THAP6: variants seen among roughly 807,000 people sequenced by gnomAD.
THAP6 encodes the protein THAP domain containing 6.
Under a neutral mutation model 20.0 loss-of-function variants are expected in THAP6, and 13 were observed. The ratio of observed to expected loss-of-function variants is 0.65; its 90% CI spans 0.42 to 1.03. The LOEUF (loss-of-function observed/expected upper bound fraction) is 1.03, where lower values mean the gene tolerates loss of function less well. Among genes scored for constraint, THAP6 ranks in the 50% least tolerant of loss-of-function variants. THAP6 has a pLI of 0.00. For missense variants in THAP6, 262 were observed against 261.6 expected, an observed-to-expected ratio of 1.00 and a Z score of -0.01; for synonymous variants, 93 against 92.2, an observed-to-expected ratio of 1.01 and a Z score of -0.05.
Position 75,527,586 on chromosome 4 carries a change from C to T in THAP6, c.*372C>T, listed in dbSNP as rs1396159015. ...GGCTTCAAAGGAGTACCTTTACTTACATGTGCTTTATGGTAAGTACATTGA... is the reference window on the plus strand; with the variant it reads ...GGCTTCAAAGGAGTACCTTTACTTATATGTGCTTTATGGTAAGTACATTGA... On this transcript the variant is annotated 3_prime_UTR_variant, in exon 5 of 5. Coordinates refer to ENST00000311638, the MANE Select transcript of THAP6 (RefSeq NM_144721.6). 3.9e-6 allele frequency: 4 copies of T among 1,033,096 alleles called. No individual in the cohort carries two copies. In the South Asian group the frequency reaches 1.2e-4, roughly 30 times the overall value. 64.0% of individuals were successfully genotyped at this position (1,033,096 alleles called of 1,614,324 possible).
intron 2 of THAP6, among the ~76,000 whole-genome samples, chr4:75,540,549 G>T (rs568785142): frequency 1.3e-5 from 2 of 152,304 alleles, no homozygotes; most frequent in African/African-American, 4.8e-5. Flanking sequence ...GGTACAGCTT[G>T]TGCAGTTGAA....
At chr4:75,521,490 A>G (rs191573377) in intron 3 of THAP6, among the ~76,000 whole-genome samples, 1 of 152,156 alleles carries the variant, frequency 6.6e-6, no homozygotes, top group East Asian at 1.9e-4. Flanking sequence ...TTGTTACTGT[A>G]TATTATATTT....
At chr4:75,526,277 A>G (rs1036519258) in intron 4 of THAP6, among the ~76,000 whole-genome samples, 1 of 152,136 alleles carries the variant, frequency 6.6e-6, no homozygotes, top group African/African-American at 2.4e-5. Flanking sequence ...GTAGGGGTCA[A>G]TCCAGTCTCT....
At chr4:75,516,648 A>T (rs992658041) in intron 2 of THAP6, 124 bp from the exon 3 acceptor site, 11 of 770,980 alleles carry the variant, frequency 1.4e-5, no homozygotes, top group Middle Eastern at 7.5e-4. Context: ...CCTAAATATT[A>T]TAATTCTCAA....
At chr4:75,514,444 T>G, upstream of THAP6, 1 of 799,660 alleles carries the variant, frequency 1.3e-6, no homozygotes, top group Non-Finnish European at 1.9e-6. Context: ...GATTTCCGGT[T>G]CCCGGGGCTA....
chr4:75,533,057 T>C (rs866909362), downstream of THAP6, among the ~76,000 whole-genome samples: 82 of 152,310 alleles, frequency 5.4e-4, no homozygotes, highest in African/African-American at 1.9e-3. Context: ...GAAAATGGGA[T>C]TTTCTTTTTA....
chr4:75,528,756 T>TTTAA lies in THAP6; in HGVS notation c.*1542_*1543insTTAA. The TTTAA allele has an allele frequency of 1.9e-5, 17 of 902,700 alleles. No individual in the cohort carries two copies. The highest frequency in any genetic ancestry group is 5.1e-5 in the South Asian group (1 of 19,460). 55.9% of individuals were successfully genotyped at this position (902,700 alleles called of 1,614,324 possible). On this transcript the variant is annotated 3_prime_UTR_variant, in exon 5 of 5. Transcript: ENST00000311638. ...GAAAAAAAAGTAGTAAAAAGGTAGT[T>TTTAA]AAAAAAAAAAAAGGCCGGGTGGTGG...
At position 75,514,533 on chromosome 4, in the gene THAP6, A is replaced by G. The variant is rs569380332; in HGVS notation, c.-21+13A>G. 4.8e-6 allele frequency: 2 copies of G among 418,518 alleles called. No individual in the cohort carries two copies. Among genetic ancestry groups the G allele is most frequent in the Admixed American group, 7.5e-5 (2 of 26,670 alleles). The allele number at this position is 418,518 out of a possible 1,614,324, so 25.9% of individuals were successfully genotyped here. On this transcript the variant is annotated intron_variant, in intron 1 of 4. Transcript: ENST00000311638. ...TTCGCTGCTAACGGTAATAACTCTT[A>G]GGTTGCCTGTTTTCCCCCAATCGCT...
At chr4:75,540,786 A>G (rs1726980220) in intron 2 of THAP6, among the ~76,000 whole-genome samples, 1 of 152,204 alleles carries the variant, frequency 6.6e-6, no homozygotes, top group Admixed American at 6.5e-5. Context: ...AAACAGGTAG[A>G]TTTTATAACG....
At chr4:75,514,551 C>A in intron 1 of THAP6, 31 bp downstream of exon 1, 1 of 370,080 alleles carries the variant, frequency 2.7e-6, no homozygotes, top group Non-Finnish European at 4.9e-6. Flanking sequence ...TGTTTTCCCC[C>A]AATCGCTACC....
intron 2 of THAP6, chr4:75,542,312 A>G (rs572870874): frequency 1.6e-6 from 1 of 624,078 alleles, no homozygotes; most frequent in South Asian, 1.9e-5. Context: ...AAAGAACGTG[A>G]CTTCAGAGTA....
chr4:75,531,823 C>G (rs1053262712), downstream of THAP6, among the ~76,000 whole-genome samples: 1 of 151,592 alleles, frequency 6.6e-6, no homozygotes, highest in South Asian at 2.1e-4. Context: ...TCATGAGACC[C>G]ATTCACTATT....
At chr4:75,518,329 A>G (rs747415811) in intron 3 of THAP6, among the ~76,000 whole-genome samples, 1 of 152,260 alleles carries the variant, frequency 6.6e-6, no homozygotes, top group Non-Finnish European at 1.5e-5. Context: ...CATAGATAAT[A>G]CTGTGAACAC....
intron 3 of THAP6, among the ~76,000 whole-genome samples, chr4:75,521,375 A>G (rs1353970034): frequency 6.6e-6 from 1 of 152,004 alleles, no homozygotes. Flanking sequence ...GCCTTACTCT[A>G]CTTATTTAGA....
At chr4:75,524,719 T>G (rs957600126) in intron 4 of THAP6, among the ~76,000 whole-genome samples, 1 of 152,126 alleles carries the variant, frequency 6.6e-6, no homozygotes, top group African/African-American at 2.4e-5. Context: ...TACTTCTTTT[T>G]TTCTTTGCTT....
intron 2 of THAP6, chr4:75,539,764 T>G: frequency 1.0e-5 from 15 of 1,503,776 alleles, no homozygotes; most frequent in Middle Eastern, 1.7e-4. Flanking sequence ...CCATTGGTGG[T>G]GAGAATTTTA....
downstream of THAP6, chr4:75,530,125 A>G: frequency 3.1e-6 from 3 of 954,782 alleles, no homozygotes; most frequent in Non-Finnish European, 3.7e-6. Flanking sequence ...CTCCTCCACC[A>G]ATAACTCTAA....
chr4:75,531,023 AC>A (rs1180997615), downstream of THAP6, among the ~76,000 whole-genome samples: 2 of 152,206 alleles, frequency 1.3e-5, no homozygotes, highest in African/African-American at 4.8e-5. Context: ...AAATGAGTTA[AC>A]ATAGGCATGA....
intron 2 of THAP6, among the ~76,000 whole-genome samples, chr4:75,537,404 T>G (rs900816050): frequency 2.6e-5 from 4 of 152,140 alleles, no homozygotes; most frequent in Non-Finnish European, 5.9e-5. Context: ...CATACTGTTC[T>G]CATGGTAGTG....
Sources: allele counts gnomAD v4.1 joint callset (sites outside exome capture counted in the v4.1 genomes callset), GRCh38; gene constraint gnomAD v4.1.1; transcripts MANE v1.5; gene names NCBI Gene and HGNC (gene_info 2026-07-23, HGNC 2026-07-21).